The following GTF2A1L variants were observed in gnomAD, a reference collection of about 807,000 sequenced individuals.
The protein encoded by GTF2A1L is general transcription factor IIA subunit 1 like.
In GTF2A1L, 48 loss-of-function variants were observed where a neutral mutation model predicts 49.7. The ratio of observed to expected loss-of-function variants is 0.97; its 90% CI spans 0.77 to 1.23. The LOEUF (loss-of-function observed/expected upper bound fraction) is 1.23, where lower values mean the gene tolerates loss of function less well. GTF2A1L is among the 50% of genes most tolerant of loss of function. The pLI is 0.00. For synonymous variants in GTF2A1L, 246 were observed against 193.5 expected (o/e 1.27, Z -2.25); for missense variants, 736 against 564.8 (o/e 1.30, Z -3.07).
Position 48,646,934 on chromosome 2 carries a change from C to T in GTF2A1L, c.870C>T (p.His290=), listed in dbSNP as rs1572732159. The T allele has an allele frequency of 6.2e-7, 1 of 1,614,126 alleles. No homozygotes were observed. Among genetic ancestry groups the T allele is most frequent in the Non-Finnish European group, 8.5e-7 (1 of 1,180,020 alleles). ...STSPHGALHQ[H]VTDIQLHILK... is the part of the protein sequence containing the mutation. ...GCCCTCATGGGGCTCTCCACCAGCACGTGACTGATATTCAGCTTCATATTC... is the reference window on the plus strand; with the variant it reads ...GCCCTCATGGGGCTCTCCACCAGCATGTGACTGATATTCAGCTTCATATTC... Residue 290 remains histidine, a synonymous_variant, in exon 6 of 9, where the codon CAC becomes CAT. Transcript: ENST00000403751.
chr2:48,651,418 A>G (rs550053255), intron 6 of GTF2A1L, among the ~76,000 whole-genome samples: 1 of 149,078 alleles, frequency 6.7e-6, no homozygotes, highest in Non-Finnish European at 1.5e-5. Flanking sequence ...CCATCAAAGA[A>G]TTTTTATGTT....
rs1169301207 is a variant in GTF2A1L, at chr2:48,679,377, G to A, written c.1372G>A (p.Gly458Ser). 5.6e-6 allele frequency: 9 copies of A among 1,611,684 alleles called. No homozygotes were observed. Among genetic ancestry groups the A allele is most frequent in the Non-Finnish European group, 7.6e-6 (9 of 1,178,902 alleles). Reference protein sequence around the residue: ...KNKWKFYLKDGVMCFGGRDYV... With the variant: ...KNKWKFYLKDSVMCFGGRDYV... Reference sequence around the variant, plus strand: ...CAAATGGAAATTCTATTTGAAAGATGGTGTTATGTGTTTTGGAGGGAGAGA... The same window carrying A: ...CAAATGGAAATTCTATTTGAAAGATAGTGTTATGTGTTTTGGAGGGAGAGA... Residue 458 changes from glycine to serine, a missense_variant, in exon 9 of 9, where the codon GGT (glycine) becomes AGT (serine). Coordinates refer to ENST00000403751, the MANE Select transcript of GTF2A1L (RefSeq NM_006872.5).
chr2:48,622,200 A>C (rs1676038980), intron 3 of GTF2A1L, among the ~76,000 whole-genome samples: 1 of 152,226 alleles, frequency 6.6e-6, no homozygotes, highest in South Asian at 2.1e-4. Context: ...TTCTATTACA[A>C]AGTGGGAGAA....
chr2:48,678,110 T>A (rs1679574036), intron 8 of GTF2A1L, among the ~76,000 whole-genome samples: 1 of 151,966 alleles, frequency 6.6e-6, no homozygotes. Flanking sequence ...GATTATATGA[T>A]TTGTCAGTAA....
At chr2:48,624,331 ATATT>A (rs1377841363) in intron 3 of GTF2A1L, among the ~76,000 whole-genome samples, 2 of 144,730 alleles carry the variant, frequency 1.4e-5, no homozygotes, top group East Asian at 1.9e-4. Context: ...GAGAACAAAA[ATATT>A]TAGTAAGAAG....
At chr2:48,648,234 T>C (rs1371125619) in intron 6 of GTF2A1L, among the ~76,000 whole-genome samples, 6 of 152,112 alleles carry the variant, frequency 3.9e-5, no homozygotes, top group Non-Finnish European at 7.4e-5. Flanking sequence ...TTTTTTTACG[T>C]TTTTTAACAT....
chr2:48,628,332 A>T lies in GTF2A1L; in HGVS notation c.247+7042A>T, dbSNP rs1454136841. 2.1e-5 allele frequency among the ~76,000 whole-genome samples: 3 copies of T among 144,442 alleles called. 1 individual carries two copies. The highest frequency in any genetic ancestry group is 4.7e-5 in the Non-Finnish European group (3 of 64,054). 94.8% of individuals were successfully genotyped at this position (144,442 alleles called of 152,430 possible). On this transcript the variant is annotated intron_variant, in intron 3 of 8. Coordinates refer to ENST00000403751, the MANE Select transcript of GTF2A1L (RefSeq NM_006872.5). The stretch of plus-strand genomic sequence containing the variant: ...GTCCACAGTGGCTGAACTAATTTAC[A>T]TTCCCACCAACAGTGTACAAGTGTT...
At chr2:48,643,693 ATTT>A (rs71399070) in intron 4 of GTF2A1L, among the ~76,000 whole-genome samples, 1 of 120,788 alleles carries the variant, frequency 8.3e-6, no homozygotes, top group African/African-American at 2.9e-5. Context: ...TATTAATACA[ATTT>A]TTTTTTTTTT....
chr2:48,672,220 C>A (rs968748742), intron 8 of GTF2A1L, among the ~76,000 whole-genome samples: 5 of 151,984 alleles, frequency 3.3e-5, no homozygotes, highest in African/African-American at 1.2e-4. Context: ...ATAGAATAGC[C>A]CAATAAAAAG....
intron 6 of GTF2A1L, among the ~76,000 whole-genome samples, chr2:48,647,873 A>G (rs1558737715): frequency 6.6e-6 from 1 of 152,162 alleles, no homozygotes; most frequent in Non-Finnish European, 1.5e-5. Context: ...TTACAAATAT[A>G]AAATACATCT....
intron 8 of GTF2A1L, among the ~76,000 whole-genome samples, chr2:48,676,730 G>A (rs1360240479): frequency 1.3e-5 from 2 of 151,392 alleles, no homozygotes; most frequent in Non-Finnish European, 3.0e-5. Flanking sequence ...TGCATTTTGA[G>A]CCATGAATAA....
chr2:48,629,100 G>A (rs1202272379), intron 3 of GTF2A1L, among the ~76,000 whole-genome samples: 1 of 143,018 alleles, frequency 7.0e-6, no homozygotes, highest in African/African-American at 2.5e-5. Context: ...AATTAGCCAG[G>A]CTTGGTGGTG....
At chr2:48,618,550 C>T (rs1193667574) in intron 1 of GTF2A1L, among the ~76,000 whole-genome samples, 4 of 152,302 alleles carry the variant, frequency 2.6e-5, no homozygotes, top group East Asian at 1.9e-4. Flanking sequence ...CTTCACATTT[C>T]GTGAAAGGCA....
intron 6 of GTF2A1L, among the ~76,000 whole-genome samples, chr2:48,660,795 T>C (rs1011543309): frequency 1.3e-5 from 2 of 151,970 alleles, no homozygotes; most frequent in Admixed American, 6.6e-5. Context: ...TGTGCTCTAC[T>C]ATGCCCGGCT....
At chr2:48,625,699 C>G (rs1412927916) in intron 3 of GTF2A1L, among the ~76,000 whole-genome samples, 1 of 142,866 alleles carries the variant, frequency 7.0e-6, no homozygotes, top group South Asian at 2.4e-4. Context: ...CCTCTCACCT[C>G]GACTTCATGA....
At chr2:48,671,450 TG>T in intron 7 of GTF2A1L, 140 bp from the exon 8 acceptor site, 1 of 718,152 alleles carries the variant, frequency 1.4e-6, no homozygotes, top group Non-Finnish European at 2.1e-6. Context: ...GCAATCTGCC[TG>T]CCTAGGCCTC....
chr2:48,620,704 G>A (rs1675938060), intron 1 of GTF2A1L, 147 bp from the exon 2 acceptor site: 1 of 324,022 alleles, frequency 3.1e-6, no homozygotes, highest in Admixed American at 5.9e-5. Context: ...TTGAACCTGG[G>A]ACGTGGAAAT....
intron 6 of GTF2A1L, among the ~76,000 whole-genome samples, chr2:48,662,652 CT>C (rs35260466): frequency 0.15 from 19,820 of 132,300 alleles, 1,351 homozygotes; most frequent in African/African-American, 0.17. Flanking sequence ...CTTGGTTGAT[CT>C]TTTTTTTTTT....
At chr2:48,660,646 A>G (rs1678439300) in intron 6 of GTF2A1L, among the ~76,000 whole-genome samples, 1 of 151,460 alleles carries the variant, frequency 6.6e-6, no homozygotes, top group Admixed American at 6.6e-5. Flanking sequence ...ATTTTATTTT[A>G]TTATTATTAT....
Sources: allele counts gnomAD v4.1 joint callset (sites outside exome capture counted in the v4.1 genomes callset), GRCh38; gene constraint gnomAD v4.1.1; transcripts MANE v1.5; gene names NCBI Gene and HGNC (gene_info 2026-07-23, HGNC 2026-07-21).